ANKS6: variants seen among roughly 807,000 people sequenced by gnomAD.
ANKS6 encodes ankyrin repeat and sterile alpha motif domain containing 6, also known as ankyrin repeat and SAM domain-containing protein 6.
Under a neutral mutation model 77.9 loss-of-function variants are expected in ANKS6, and 47 were observed. The observed-to-expected ratio is 0.60, with a 90% CI of 0.48 to 0.77. The LOEUF is 0.77. ANKS6 is among the 30% of genes least tolerant of loss of function. The pLI is 0.00. For missense variants in ANKS6, 1,150 were observed against 1,159.1 expected (o/e 0.99, Z 0.11); for synonymous variants, 488 against 501.7 (o/e 0.97, Z 0.37).
At chr9:98,739,742 C>T (rs906005601) in intron 14 of ANKS6, among the ~76,000 whole-genome samples, 1 of 145,912 alleles carries the variant, frequency 6.9e-6, no homozygotes, top group Non-Finnish European at 1.5e-5. Context: ...CCTCAGAGGG[C>T]AGCAGTGGAT....
intron 4 of ANKS6, 69 bp from the exon 5 acceptor site, chr9:98,782,642 C>A (rs1329057072): frequency 3.3e-6 from 4 of 1,223,446 alleles, no homozygotes; most frequent in South Asian, 1.2e-5. Context: ...GCAACAAAAC[C>A]AACATTAACT....
At chr9:98,773,148 A>G (rs1833729643) in intron 9 of ANKS6, among the ~76,000 whole-genome samples, 1 of 152,176 alleles carries the variant, frequency 6.6e-6, no homozygotes, top group Non-Finnish European at 1.5e-5. Flanking sequence ...CTGTTTTGAG[A>G]GCATCTCCAG....
At chr9:98,741,318 G>C (rs1262263404) in intron 14 of ANKS6, among the ~76,000 whole-genome samples, 2 of 152,178 alleles carry the variant, frequency 1.3e-5, no homozygotes, top group African/African-American at 4.8e-5. Context: ...TAAGGGTGTG[G>C]TGATGGGTGC....
chr9:98,770,262 T>C (rs997305396), intron 10 of ANKS6, among the ~76,000 whole-genome samples: 11 of 152,180 alleles, frequency 7.2e-5, no homozygotes, highest in Non-Finnish European at 1.3e-4. Flanking sequence ...TTCTGCATGA[T>C]TGTGAGGCCT....
At chr9:98,758,792 T>C (rs1196824873) in intron 11 of ANKS6, among the ~76,000 whole-genome samples, 1 of 152,226 alleles carries the variant, frequency 6.6e-6, no homozygotes, top group Non-Finnish European at 1.5e-5. Flanking sequence ...CTGGTATATA[T>C]GTTAAGTGTA....
At position 98,734,395 on chromosome 9, in the gene ANKS6, C is replaced by G. The variant is rs1357742987; in HGVS notation, c.*2124G>C. ...AAACTTACCTGAGTGGAAGCTATAC[C>G]AGTATATTGTTATGAAAAAAACAGG... On this transcript the variant is annotated 3_prime_UTR_variant, in exon 15 of 15. Transcript: ENST00000353234. 8 of 985,158 alleles carry G rather than the reference C, an allele frequency of 8.1e-6. No individual in the cohort carries two copies. Among genetic ancestry groups the G allele is most frequent in the African/African-American group, 1.7e-5 (1 of 57,146 alleles). The allele number at this position is 985,158 out of a possible 1,614,324, so 61.0% of individuals were successfully genotyped here. A position where few individuals can be genotyped will look rare whatever the true frequency, so the allele number is the denominator to read the frequency against.
intron 4 of ANKS6, among the ~76,000 whole-genome samples, chr9:98,782,841 G>A (rs1834350028): frequency 6.6e-6 from 1 of 152,170 alleles, no homozygotes; most frequent in Admixed American, 6.5e-5. Context: ...CCATCACTTT[G>A]GGAAGCCAAG....
chr9:98,734,112 C>A lies in ANKS6; in HGVS notation c.*2407G>T. On this transcript the variant is annotated 3_prime_UTR_variant, in exon 15 of 15. Transcript: ENST00000353234. ...GCTGGGGTGCCCTTTCTCTTCCCTGCCTACCAGCCGCATCCAAACATCCCC... is the reference window on the plus strand; with the variant it reads ...GCTGGGGTGCCCTTTCTCTTCCCTGACTACCAGCCGCATCCAAACATCCCC... The A allele has an allele frequency of 1.0e-6, 1 of 985,544 alleles. No individual in the cohort carries two copies. Among genetic ancestry groups the A allele is most frequent in the Non-Finnish European group, 1.2e-6 (1 of 830,010 alleles). 61.0% of individuals were successfully genotyped at this position (985,544 alleles called of 1,614,324 possible).
chr9:98,771,412 C>T (rs1386954240), intron 9 of ANKS6, among the ~76,000 whole-genome samples: 1 of 152,216 alleles, frequency 6.6e-6, no homozygotes, highest in Non-Finnish European at 1.5e-5. Context: ...CCGCCGGGCA[C>T]AGTGACCAGC....
chr9:98,779,019 T>C (rs1274951274), intron 6 of ANKS6, among the ~76,000 whole-genome samples: 1 of 152,030 alleles, frequency 6.6e-6, no homozygotes, highest in African/African-American at 2.4e-5. Flanking sequence ...CCTGTGGAAA[T>C]GGCAGTAAGA....
At position 98,745,673 on chromosome 9, in the gene ANKS6, C is replaced by T. The variant is rs1588328484; in HGVS notation, c.2397G>A (p.Val799=). ...KYQPIFEEQE[V]DMEAFLTLTD... is the part of the protein sequence containing the mutation. ...TCAGTGTGAGGAACGCTTCCATGTC[C>T]ACCTGGGGAGAGAGAGGGGATTTGC... The change falls in exon 14 of 15, where the codon GTG becomes GTA. Residue 799 remains valine, a splice_region_variant and synonymous_variant. Transcript: ENST00000353234. 1 of 1,612,926 alleles carries T rather than the reference C, an allele frequency of 6.2e-7. No individual in the cohort carries two copies. The highest frequency in any genetic ancestry group is 8.5e-7 in the Non-Finnish European group (1 of 1,178,886).
Position 98,734,069 on chromosome 9 carries a change from G to A in ANKS6, c.*2450C>T. The stretch of plus-strand genomic sequence containing the variant: ...ATCTATAACCTACATGTTCCGTGCT[G>A]CCTCCACACATGCCCCCGCTGGGGT... On this transcript the variant is annotated 3_prime_UTR_variant, in exon 15 of 15. Coordinates refer to ENST00000353234, the MANE Select transcript of ANKS6 (RefSeq NM_173551.5). 5.1e-6 allele frequency: 5 copies of A among 985,402 alleles called. No individual in the cohort carries two copies. Among genetic ancestry groups the A allele is most frequent in the Non-Finnish European group, 6.0e-6 (5 of 829,974 alleles). The allele number at this position is 985,402 out of a possible 1,614,324, so 61.0% of individuals were successfully genotyped here. A position where few individuals can be genotyped will look rare whatever the true frequency, so the allele number is the denominator to read the frequency against.
At chr9:98,756,954 C>T (rs1832743705) in intron 11 of ANKS6, among the ~76,000 whole-genome samples, 1 of 145,320 alleles carries the variant, frequency 6.9e-6, no homozygotes, top group African/African-American at 2.5e-5. Context: ...CCTCAGTTAA[C>T]CAGCTGTAAA....
chr9:98,771,193 G>T (rs752671896), intron 9 of ANKS6, 147 bp from the exon 10 acceptor site: 78 of 967,082 alleles, frequency 8.1e-5, no homozygotes, highest in Middle Eastern at 6.0e-4. Flanking sequence ...GGGCCCAGCT[G>T]GGGAGTCCCT....
At chr9:98,752,481 C>T (rs1588341865) in intron 12 of ANKS6, among the ~76,000 whole-genome samples, 1 of 152,132 alleles carries the variant, frequency 6.6e-6, no homozygotes, top group Non-Finnish European at 1.5e-5. Flanking sequence ...TACCACTGTG[C>T]CCAATGGACA....
In ANKS6 at chr9:98,780,210, G is replaced by A. The variant is rs773417328; in HGVS notation, c.1347C>T (p.Pro449=). 19 of 1,613,900 alleles carry A rather than the reference G, an allele frequency of 1.2e-5. No individual in the cohort carries two copies. The highest frequency in any genetic ancestry group is 6.6e-5 in the South Asian group (6 of 91,040). Residue 449 remains proline, a synonymous_variant, in exon 6 of 15, where the codon CCC becomes CCT. Transcript: ENST00000353234. ...AAACCTTCAGTCCACCCTTGTCATCGGGCAGCACTGGGATGCTCCAGGGCT... is the reference window on the plus strand; with the variant it reads ...AAACCTTCAGTCCACCCTTGTCATCAGGCAGCACTGGGATGCTCCAGGGCT... The part of the protein sequence containing the change: ...VRQPWSIPVL[P]DDKGGLKSWW...
intron 2 of ANKS6, among the ~76,000 whole-genome samples, chr9:98,787,148 G>GT (rs957226031): frequency 4.6e-5 from 7 of 152,172 alleles, no homozygotes; most frequent in African/African-American, 1.7e-4. Flanking sequence ...GAACTGCACA[G>GT]TAAGAGCTGG....
intron 2 of ANKS6, among the ~76,000 whole-genome samples, chr9:98,788,166 C>T (rs140146417): frequency 3.4e-4 from 52 of 152,358 alleles, no homozygotes; most frequent in Non-Finnish European, 6.5e-4. Context: ...TCCCATGATG[C>T]CAGGACAACC....
rs535224947 is a variant in ANKS6, at chr9:98,744,721, A to G, written c.2511+838T>C. Among the ~76,000 whole-genome samples, 5 of 152,318 alleles carry G rather than the reference A, an allele frequency of 3.3e-5. No homozygotes were observed. In the South Asian group the frequency reaches 8.3e-4, roughly 25 times the overall value. On this transcript the variant is annotated intron_variant, in intron 14 of 14. Coordinates refer to ENST00000353234, the MANE Select transcript of ANKS6 (RefSeq NM_173551.5). The stretch of plus-strand genomic sequence containing the variant: ...GAACAGCAACAAAAAAAGAAAAAAA[A>G]GAGGAAAAAGGCAGAGATGTCCATT...
Sources: allele counts gnomAD v4.1 joint callset (sites outside exome capture counted in the v4.1 genomes callset), GRCh38; gene constraint gnomAD v4.1.1; transcripts MANE v1.5; gene names NCBI Gene and HGNC (gene_info 2026-07-23, HGNC 2026-07-21).